PAPPA: variants seen among roughly 807,000 people sequenced by gnomAD.
The protein encoded by PAPPA is pappalysin 1.
A neutral mutation model predicts 164.0 loss-of-function variants in PAPPA; 60 were observed. The observed-to-expected ratio is 0.37, with a 90% CI of 0.30 to 0.45. The LOEUF (loss-of-function observed/expected upper bound fraction) is 0.45, where lower values mean the gene tolerates loss of function less well. Ranked by LOEUF, PAPPA falls within the 20% of genes least tolerant of loss-of-function variation. The pLI is 1.00. For missense variants in PAPPA, 1,782 were observed against 2,087.3 expected, an observed-to-expected ratio of 0.85 and a Z score of 2.85; for synonymous variants, 875 against 814.1, an observed-to-expected ratio of 1.07 and a Z score of -1.27.
chr9:116,220,107 A>G lies in PAPPA; in HGVS notation c.2089A>G (p.Ile697Val), dbSNP rs1243693429. The G allele has an allele frequency of 1.9e-6, 3 of 1,613,550 alleles. No homozygotes were observed. Among genetic ancestry groups the G allele is most frequent in the Non-Finnish European group, 2.5e-6 (3 of 1,179,770 alleles). Reference protein sequence around the residue: ...DSVTLEWFPPIDGHFFERELG... With the variant: ...DSVTLEWFPPVDGHFFERELG... ...TGTGACACTGGAGTGGTTCCCACCT[A>G]TAGATGGCCATTTCTTTGAAAGGTG... is the stretch of plus-strand genomic sequence containing the variant. Residue 697 changes from isoleucine (I) to valine (V), a missense_variant, in exon 5 of 22, where the codon ATA becomes GTA. Ile to Val is a conservative substitution (Grantham distance 29, BLOSUM62 3). This residue lies in a region of PAPPA where 1,324 missense variants were observed against 1,656.9 expected (regional missense o/e 0.80). Coordinates refer to ENST00000328252, the MANE Select transcript of PAPPA (RefSeq NM_002581.5).
chr9:116,337,695 C>T (rs1846079451), intron 13 of PAPPA, among the ~76,000 whole-genome samples: 1 of 151,854 alleles, frequency 6.6e-6, no homozygotes, highest in Non-Finnish European at 1.5e-5. Context: ...TCTCCTCTCT[C>T]TCTCTCTCCC....
intron 10 of PAPPA, among the ~76,000 whole-genome samples, chr9:116,309,097 G>T (rs1206264941): frequency 2.0e-5 from 3 of 149,786 alleles, no homozygotes; most frequent in African/African-American, 4.9e-5. Flanking sequence ...TTTTTTTTTG[G>T]CAAAGTCTCA....
At chr9:116,320,090 A>C (rs1307797095) in intron 10 of PAPPA, among the ~76,000 whole-genome samples, 1 of 152,220 alleles carries the variant, frequency 6.6e-6, no homozygotes, top group African/African-American at 2.4e-5. Flanking sequence ...ATCATTTCTA[A>C]GAAACTTAGT....
At chr9:116,233,246 G>A (rs937056717) in intron 6 of PAPPA, among the ~76,000 whole-genome samples, 2 of 152,206 alleles carry the variant, frequency 1.3e-5, no homozygotes, top group South Asian at 2.1e-4. Context: ...AAATGACAAC[G>A]ATCTTACAGG....
chr9:116,285,349 T>C (rs1287146296), intron 9 of PAPPA, among the ~76,000 whole-genome samples: 1 of 151,906 alleles, frequency 6.6e-6, no homozygotes, highest in South Asian at 2.1e-4. Flanking sequence ...TTTGTATTTT[T>C]GTAGACATGG....
chr9:116,305,396 G>A (rs1169927107), intron 10 of PAPPA, among the ~76,000 whole-genome samples: 3 of 150,088 alleles, frequency 2.0e-5, no homozygotes, highest in South Asian at 2.1e-4. Flanking sequence ...GGCTTAGGAA[G>A]AAGATGGGAA....
intron 9 of PAPPA, among the ~76,000 whole-genome samples, chr9:116,280,090 C>A (rs1845249056): frequency 6.6e-6 from 1 of 152,170 alleles, no homozygotes. Flanking sequence ...CTTGCCCCAA[C>A]ATGTGCAGTC....
At chr9:116,275,852 C>T (rs1454021909) in intron 9 of PAPPA, among the ~76,000 whole-genome samples, 1 of 152,172 alleles carries the variant, frequency 6.6e-6, no homozygotes, top group Non-Finnish European at 1.5e-5. Flanking sequence ...GAAGCCCACA[C>T]ATCCGGAAGT....
chr9:116,312,279 T>C (rs1272491279), intron 10 of PAPPA, among the ~76,000 whole-genome samples: 2 of 112,140 alleles, frequency 1.8e-5, no homozygotes, highest in African/African-American at 3.0e-5. Flanking sequence ...TCTTTTCTTT[T>C]CTTTCTTTCT....
In PAPPA at chr9:116,382,417, G is replaced by C. The variant is rs374214734; in HGVS notation, c.4700G>C (p.Cys1567Ser). The change falls in exon 21 of 22, where the codon TGT becomes TCT. Residue 1567 changes from cysteine to serine, a missense_variant. By Grantham distance (112) the Cys-to-Ser change is moderately radical. Around this residue, in one of 2 missense-constraint regions of PAPPA, gnomAD observed 1,324 missense variants for 1,656.9 expected, o/e 0.80. Transcript: ENST00000328252. ...CAGCCCTTCATGGGAGACAATTATT[G>C]TGATGCCATCAACAACCGAGCCTTT... ...GCEPFMGDNYCDAINNRAFCN... is the reference protein window; with the variant it reads ...GCEPFMGDNYSDAINNRAFCN... The C allele has an allele frequency of 1.2e-6, 2 of 1,613,356 alleles. No homozygotes were observed. Among genetic ancestry groups the C allele is most frequent in the Non-Finnish European group, 1.7e-6 (2 of 1,179,496 alleles).
In PAPPA at chr9:116,211,900, A is replaced by G. The variant is rs1844312597; in HGVS notation, c.1886A>G (p.Asn629Ser). Reference sequence around the variant, plus strand: ...ACCTGTGGCTTTCATAGCTTCTTCAACACTCCTTACAACAACTTCATGAGC... The same window carrying G: ...ACCTGTGGCTTTCATAGCTTCTTCAGCACTCCTTACAACAACTTCATGAGC... ...NDTCGFHSFFNTPYNNFMSYA... is the reference protein window; with the variant it reads ...NDTCGFHSFFSTPYNNFMSYA... Residue 629 changes from asparagine (N) to serine (S), a missense_variant, in exon 4 of 22, where the codon AAC becomes AGC. Coordinates refer to ENST00000328252, the MANE Select transcript of PAPPA (RefSeq NM_002581.5). The G allele has an allele frequency of 2.5e-6, 4 of 1,613,994 alleles. No individual in the cohort carries two copies. The highest frequency in any genetic ancestry group is 1.1e-5 in the South Asian group (1 of 91,070).
chr9:116,179,654 C>T (rs147855322), intron 1 of PAPPA, among the ~76,000 whole-genome samples: 108 of 152,310 alleles, frequency 7.1e-4, no homozygotes, highest in South Asian at 2.3e-3. Context: ...CAGCCTTCCT[C>T]TGAATGCCTG....
At chr9:116,266,431 T>C (rs1400042665) in intron 8 of PAPPA, among the ~76,000 whole-genome samples, 1 of 152,248 alleles carries the variant, frequency 6.6e-6, no homozygotes, top group Non-Finnish European at 1.5e-5. Flanking sequence ...ATCTCTATTG[T>C]ATCATATTAT....
chr9:116,240,267 G>T (rs1490416072), intron 7 of PAPPA, among the ~76,000 whole-genome samples: 1 of 152,178 alleles, frequency 6.6e-6, no homozygotes, highest in Non-Finnish European at 1.5e-5. Context: ...AACTCAAGGT[G>T]CTCACAGTCT....
At chr9:116,205,081 T>TC (rs1383159580) in intron 2 of PAPPA, among the ~76,000 whole-genome samples, 3 of 151,556 alleles carry the variant, frequency 2.0e-5, no homozygotes, top group African/African-American at 7.3e-5. Flanking sequence ...TTTTTTTTTT[T>TC]TCCCCCCTTT....
At chr9:116,340,079 C>T (rs574652454) in intron 13 of PAPPA, among the ~76,000 whole-genome samples, 7 of 152,330 alleles carry the variant, frequency 4.6e-5, no homozygotes, top group Non-Finnish European at 7.3e-5. Flanking sequence ...CATTCTTTCC[C>T]GCTCATCCAT....
chr9:116,221,941 A>G (rs749962946), intron 5 of PAPPA, among the ~76,000 whole-genome samples: 1 of 152,218 alleles, frequency 6.6e-6, no homozygotes, highest in Non-Finnish European at 1.5e-5. Flanking sequence ...ACCTGTTAGA[A>G]TGGCTATTAC....
rs1168018707 is a variant in PAPPA, at chr9:116,271,508, A to G, written c.2953+92A>G. ...TAATGCCAACAATAGTTATGACTAA[A>G]TGATGATTCACTCCTTTGTATTACA... On this transcript the variant is annotated intron_variant, in intron 9 of 21. Transcript: ENST00000328252. The surrounding 1 kb of genome is among the most constrained non-coding windows in gnomAD (Gnocchi z 4.2). 2 of 899,608 alleles carry G rather than the reference A, an allele frequency of 2.2e-6. No homozygotes were observed. Among genetic ancestry groups the G allele is most frequent in the Non-Finnish European group, 3.7e-6 (2 of 540,308 alleles). 55.7% of individuals were successfully genotyped at this position (899,608 alleles called of 1,614,324 possible).
intron 17 of PAPPA, among the ~76,000 whole-genome samples, chr9:116,362,061 GAAGAT>G (rs1240494904): frequency 6.6e-6 from 1 of 151,786 alleles, no homozygotes; most frequent in African/African-American, 2.4e-5. Flanking sequence ...GAAAGAAAGA[GAAGAT>G]GAGAAAAGGA....
Sources: allele counts gnomAD v4.1 joint callset (sites outside exome capture counted in the v4.1 genomes callset), GRCh38; gene constraint gnomAD v4.1.1; regional missense constraint gnomAD v4.1.1; non-coding constraint Gnocchi (gnomAD v3.1); transcripts MANE v1.5; gene names NCBI Gene and HGNC (gene_info 2026-07-23, HGNC 2026-07-21).